TCP11L2: variants seen among roughly 807,000 people sequenced by gnomAD.
TCP11L2 encodes t-complex 11 like 2.
In TCP11L2, 39 loss-of-function variants were observed where a neutral mutation model predicts 50.7. The observed-to-expected ratio is 0.77, with a 90% confidence interval of 0.60 to 1.01. TCP11L2 has a LOEUF of 1.01. Ranked by LOEUF, TCP11L2 falls within the 50% of genes least tolerant of loss-of-function variation. The pLI is 0.00. For synonymous variants in TCP11L2, 192 were observed against 219.3 expected (o/e 0.88, Z 1.10); for missense variants, 612 against 614.7 (o/e 1.00, Z 0.05).
rs773904331 is a variant in TCP11L2, at chr12:106,318,425, G to A, written c.375G>A (p.Glu125=). The change falls in exon 4 of 10, where the codon GAG becomes GAA. Residue 125 remains glutamate (E), a synonymous_variant. Coordinates refer to ENST00000299045, the MANE Select transcript of TCP11L2 (RefSeq NM_152772.3). ...LDSELNADPP[E]FEHAIKLFEE... ...CAGAACTAAATGCTGACCCTCCTGA[G>A]TTTGAACATGCCATCAAACTGTTTG... 5.0e-6 allele frequency: 8 copies of A among 1,614,048 alleles called. No individual in the cohort carries two copies. Among genetic ancestry groups the A allele is most frequent in the Admixed American group, 3.3e-5 (2 of 60,014 alleles).
In TCP11L2 at chr12:106,311,038, C is replaced by T; in HGVS notation, c.-35-3C>T. 2 of 1,607,488 alleles carry T rather than the reference C, an allele frequency of 1.2e-6. No individual in the cohort carries two copies. Among genetic ancestry groups the T allele is most frequent in the Non-Finnish European group, 8.5e-7 (1 of 1,176,412 alleles). On this transcript the variant is annotated splice_polypyrimidine_tract_variant and splice_region_variant and intron_variant, in intron 1 of 9. Coordinates refer to ENST00000299045, the MANE Select transcript of TCP11L2 (RefSeq NM_152772.3). The stretch of plus-strand genomic sequence containing the variant: ...TTGACGCAGGGTCTGTTTGTCTGTG[C>T]AGGTGCTACCTTTTTACCCACACTT...
Position 106,321,594 on chromosome 12 carries a change from A to G in TCP11L2, c.523A>G (p.Ile175Val), listed in dbSNP as rs201595663. 4.6e-5 allele frequency: 75 copies of G among 1,614,230 alleles called. 1 individual carries two copies. The African/African-American group carries it at 5.7e-4, about 12-fold the overall frequency. The change falls in exon 5 of 10, where the codon ATC (isoleucine) becomes GTC (valine). Residue 175 changes from isoleucine (I) to valine (V), a missense_variant. By Grantham distance (29) the Ile-to-Val change is conservative. Transcript: ENST00000299045. Reference protein sequence around the residue: ...RQQAEHSAVDIQGLANYVIST... With the variant: ...RQQAEHSAVDVQGLANYVIST... Reference sequence around the variant, plus strand: ...GCAGGCTGAGCACAGTGCTGTTGACATCCAAGGCCTGGCCAACTATGTCAT... The same window carrying G: ...GCAGGCTGAGCACAGTGCTGTTGACGTCCAAGGCCTGGCCAACTATGTCAT...
At chr12:106,298,583 G>A (rs1045020594), upstream of TCP11L2, among the ~76,000 whole-genome samples, 6 of 152,120 alleles carry the variant, frequency 3.9e-5, no homozygotes, top group East Asian at 1.2e-3. Flanking sequence ...GTGCAGTGGT[G>A]AAATCTCAGC....
intron 1 of TCP11L2, among the ~76,000 whole-genome samples, chr12:106,308,243 G>A (rs981445391): frequency 5.3e-5 from 8 of 152,154 alleles, no homozygotes; most frequent in Non-Finnish European, 8.8e-5. Context: ...ATGGAACTCT[G>A]GGTTTGGAGC....
At position 106,335,691 on chromosome 12, in the gene TCP11L2, A is replaced by G. The variant is rs1345485006; in HGVS notation, c.825A>G (p.Leu275=). 1.2e-6 allele frequency: 2 copies of G among 1,614,042 alleles called. No individual in the cohort carries two copies. Among genetic ancestry groups the G allele is most frequent in the Non-Finnish European group, 1.7e-6 (2 of 1,180,036 alleles). ...TAAAAGAATCTGTAAATGAAGAATT[A>G]TTTTCTCTTTCTGAGAGTGCTTTAA... The part of the protein sequence containing the change: ...EWIKESVNEE[L]FSLSESALTP... The change falls in exon 7 of 10, where the codon TTA becomes TTG. Residue 275 remains leucine, a synonymous_variant. Transcript: ENST00000299045.
At chr12:106,333,789 A>G (rs2035822706) in intron 6 of TCP11L2, among the ~76,000 whole-genome samples, 1 of 152,224 alleles carries the variant, frequency 6.6e-6, no homozygotes, top group Non-Finnish European at 1.5e-5. Flanking sequence ...TATAACAGGT[A>G]TAAAGTACCT....
intron 1 of TCP11L2, among the ~76,000 whole-genome samples, chr12:106,309,862 A>G (rs1259628510): frequency 6.6e-6 from 1 of 152,130 alleles, no homozygotes. Context: ...ATTTTCAGAC[A>G]TACTATACAT....
intron 2 of TCP11L2, among the ~76,000 whole-genome samples, chr12:106,313,006 A>G (rs1311627747): frequency 8.5e-5 from 13 of 152,242 alleles, no homozygotes; most frequent in Admixed American, 2.6e-4. Context: ...TTATTAGAAT[A>G]GTTTCTTAGT....
At position 106,344,268 on chromosome 12, in the gene TCP11L2, C is replaced by T. The variant is rs544490287; in HGVS notation, c.1316-2018C>T. Among the ~76,000 whole-genome samples, 9 of 152,264 alleles carry T rather than the reference C, an allele frequency of 5.9e-5. No individual in the cohort carries two copies. The South Asian group carries it at 1.9e-3, about 32-fold the overall frequency. ...TCAGTTCGTTATTTATCTTTATAGA[C>T]TCTTTTCAGTCCATTCTCACTTAAG... On this transcript the variant is annotated intron_variant, in intron 9 of 9. Transcript: ENST00000299045.
intron 6 of TCP11L2, chr12:106,330,458 A>G (rs1163920725): frequency 4.4e-6 from 1 of 228,790 alleles, no homozygotes; most frequent in Non-Finnish European, 7.2e-6. Flanking sequence ...GAGGAAGGGC[A>G]TCTAGTAGGT....
chr12:106,316,385 TC>T (rs1396178036), intron 3 of TCP11L2, among the ~76,000 whole-genome samples: 1 of 152,112 alleles, frequency 6.6e-6, no homozygotes, highest in Non-Finnish European at 1.5e-5. Context: ...ATGGCCCCAC[TC>T]CCCTGACCCC....
chr12:106,346,524 T>C lies in TCP11L2; in HGVS notation c.1554T>C (p.Thr518=). 1 of 1,611,114 alleles carries C rather than the reference T, an allele frequency of 6.2e-7. No individual in the cohort carries two copies. Among genetic ancestry groups the C allele is most frequent in the Non-Finnish European group, 8.5e-7 (1 of 1,178,594 alleles). ...GGAAGGTAGATGCTTCACCTCCTAC[T>C]AACTAAAGAAGAACTGACATTGGAC... ...AMGKVDASPP[T]N Residue 518 remains threonine, a synonymous_variant, in exon 10 of 10, where the codon ACT becomes ACC. Transcript: ENST00000299045.
chr12:106,321,864 G>A (rs572364713), intron 5 of TCP11L2, among the ~76,000 whole-genome samples, 158 bp downstream of exon 5: 2 of 152,310 alleles, frequency 1.3e-5, no homozygotes, highest in African/African-American at 4.8e-5. Context: ...ATTATTTACT[G>A]TATGCAGAGA....
intron 5 of TCP11L2, among the ~76,000 whole-genome samples, chr12:106,322,533 G>T (rs1038270822): frequency 4.6e-5 from 7 of 152,184 alleles, no homozygotes; most frequent in Non-Finnish European, 8.8e-5. Context: ...AGGAAGTGGG[G>T]TGCATATTAT....
rs746019345 is a variant in TCP11L2 at position 106,346,310 on chromosome 12, GA to G, written c.1342del (p.Arg448GlyfsTer19). ...LIDKRIKLYMRRLLCLPSPQK... is the reference protein window; with the variant it reads ...LIDKRIKLYMXRLLCLPSPQK... The stretch of plus-strand genomic sequence containing the variant: ...GATAAACGAATTAAGCTTTACATGA[GA>G]AGGCTACTTTGTCTTCCAAGCCCTC... On this transcript the variant is annotated frameshift_variant, in exon 10 of 10. Coordinates refer to ENST00000299045, the MANE Select transcript of TCP11L2 (RefSeq NM_152772.3). LOFTEE classifies it high-confidence loss of function. 8.3e-5 allele frequency: 133 copies of G among 1,611,480 alleles called. No individual in the cohort carries two copies. The highest frequency in any genetic ancestry group is 1.0e-4 in the Non-Finnish European group (121 of 1,178,504).
chr12:106,318,786 C>T (rs1302667773), intron 4 of TCP11L2, among the ~76,000 whole-genome samples: 1 of 152,236 alleles, frequency 6.6e-6, no homozygotes, highest in Non-Finnish European at 1.5e-5. Context: ...TCTCGGCTCA[C>T]TGCAACCTCT....
intron 8 of TCP11L2, among the ~76,000 whole-genome samples, chr12:106,337,263 C>T (rs2035950676): frequency 6.6e-6 from 1 of 152,134 alleles, no homozygotes; most frequent in African/African-American, 2.4e-5. Context: ...TGATGAAATC[C>T]TAGACTATTA....
At chr12:106,338,986 C>CA (rs1166202939) in intron 8 of TCP11L2, among the ~76,000 whole-genome samples, 1 of 152,090 alleles carries the variant, frequency 6.6e-6, no homozygotes, top group Non-Finnish European at 1.5e-5. Flanking sequence ...ACAAAAAATA[C>CA]AAAAAATAAT....
At chr12:106,313,386 G>C (rs1010231138) in intron 2 of TCP11L2, among the ~76,000 whole-genome samples, 13 of 152,158 alleles carry the variant, frequency 8.5e-5, no homozygotes, top group African/African-American at 3.1e-4. Flanking sequence ...TTCGAGACCA[G>C]CCTGGCCAAC....
Sources: allele counts gnomAD v4.1 joint callset (sites outside exome capture counted in the v4.1 genomes callset), GRCh38; gene constraint gnomAD v4.1.1; transcripts MANE v1.5; gene names NCBI Gene and HGNC (gene_info 2026-07-23, HGNC 2026-07-21).